The following SLC39A12 variants were observed in gnomAD, a reference collection of about 807,000 sequenced individuals.
SLC39A12 encodes the protein zinc transporter ZIP12.
In SLC39A12, 63 loss-of-function variants were observed where a neutral mutation model predicts 71.1. The ratio of observed to expected loss-of-function variants is 0.89; its 90% CI spans 0.72 to 1.09. The LOEUF (loss-of-function observed/expected upper bound fraction) is 1.09. Ranked by LOEUF, SLC39A12 falls within the 50% of genes least tolerant of loss-of-function variation. The probability of loss-of-function intolerance (pLI) is 0.00; values close to 1 mark genes in which losing one functional copy is unlikely to be tolerated. For synonymous variants in SLC39A12, 351 were observed against 301.3 expected, an observed-to-expected ratio of 1.16 and a Z score of -1.71; for missense variants, 892 against 812.6, an observed-to-expected ratio of 1.10 and a Z score of -1.19.
intron 10 of SLC39A12, 112 bp from the exon 11 acceptor site, chr10:18,000,555 G>C (rs1835803500): frequency 2.0e-6 from 2 of 977,312 alleles, no homozygotes; most frequent in Non-Finnish European, 3.1e-6. Context: ...TATTTAATCA[G>C]ATGGAATATA....
intron 12 of SLC39A12, among the ~76,000 whole-genome samples, chr10:18,028,685 G>C (rs1040416885): frequency 2.0e-5 from 3 of 152,074 alleles, no homozygotes; most frequent in Non-Finnish European, 2.9e-5. Flanking sequence ...TAGGAATGAG[G>C]TTATAGGGAT....
chr10:17,955,491 C>T (rs7085495), intron 2 of SLC39A12, among the ~76,000 whole-genome samples: 5,236 of 152,212 alleles, frequency 0.034, 274 homozygotes, highest in African/African-American at 0.12. Context: ...CACAAACACG[C>T]GGGTTCTGGC....
rs146496603 is a variant in SLC39A12, at chr10:17,982,803, G to A, written c.1096+1320G>A. On this transcript the variant is annotated intron_variant, in intron 6 of 12. Coordinates refer to ENST00000377369, the MANE Select transcript of SLC39A12 (RefSeq NM_001145195.2). ...AAAAGGGTTTTGAAATTAAGGCCTC[G>A]GAAAAAAATTGTGTCTCCTCTCGAA... is the stretch of plus-strand genomic sequence containing the variant. 5.5e-3 allele frequency among the ~76,000 whole-genome samples: 842 copies of A among 152,028 alleles called. 4 individuals are homozygous for A. The highest frequency in any genetic ancestry group is 9.0e-3 in the Non-Finnish European group (612 of 67,974).
rs562706666 is a variant in SLC39A12, at chr10:17,953,985, A to G, written c.261+448A>G. Among the ~76,000 whole-genome samples, 12 of 152,298 alleles carry G rather than the reference A, an allele frequency of 7.9e-5. No individual in the cohort carries two copies. In the South Asian group the frequency reaches 1.9e-3, roughly 24 times the overall value. ...GGCATGGTATTTTCTAATATTATGC[A>G]TGGCGGGTAGTTAATGATTGGATAA... is the stretch of plus-strand genomic sequence containing the variant. On this transcript the variant is annotated intron_variant, in intron 2 of 12. Coordinates refer to ENST00000377369, the MANE Select transcript of SLC39A12 (RefSeq NM_001145195.2).
intron 12 of SLC39A12, among the ~76,000 whole-genome samples, chr10:18,013,800 G>A (rs911912972): frequency 1.3e-5 from 2 of 152,086 alleles, no homozygotes; most frequent in Admixed American, 1.3e-4. Context: ...TTGTTTCTGG[G>A]TTCTCCATTC....
intron 10 of SLC39A12, among the ~76,000 whole-genome samples, chr10:17,999,467 T>C (rs936424124): frequency 1.3e-5 from 2 of 152,178 alleles, no homozygotes; most frequent in Non-Finnish European, 2.9e-5. Flanking sequence ...CTAGGCAGAT[T>C]ACTACCAAAA....
chr10:18,019,807 A>G (rs1035119809), intron 12 of SLC39A12, among the ~76,000 whole-genome samples: 9 of 152,074 alleles, frequency 5.9e-5, no homozygotes, highest in Non-Finnish European at 1.3e-4. Flanking sequence ...TGTTAAGGTC[A>G]GTCTTATAGC....
intron 12 of SLC39A12, among the ~76,000 whole-genome samples, chr10:18,015,523 G>A (rs1013595438): frequency 6.6e-6 from 1 of 151,986 alleles, no homozygotes; most frequent in Admixed American, 6.6e-5. Flanking sequence ...GAAAGTGCTT[G>A]GACTAAATCT....
chr10:18,036,782 A>ATTTTTTT (rs1564665979), intron 12 of SLC39A12, among the ~76,000 whole-genome samples: 4 of 7,272 alleles, frequency 5.5e-4, no homozygotes, highest in African/African-American at 2.5e-3. Context: ...ATATATATAT[A>ATTTTTTT]TATATATATA....
At chr10:18,037,296 T>A (rs905615997) in intron 12 of SLC39A12, among the ~76,000 whole-genome samples, 8 of 152,336 alleles carry the variant, frequency 5.3e-5, no homozygotes, top group African/African-American at 1.7e-4. Flanking sequence ...GCAGTGACAT[T>A]TTTATGCTTA....
intron 4 of SLC39A12, among the ~76,000 whole-genome samples, chr10:17,976,752 G>A (rs1237934766): frequency 1.3e-5 from 2 of 152,166 alleles, no homozygotes; most frequent in Non-Finnish European, 2.9e-5. Flanking sequence ...ACTTTCAGCA[G>A]TTTGACTGTA....
intron 7 of SLC39A12, among the ~76,000 whole-genome samples, chr10:17,990,171 C>A (rs1441013848): frequency 6.6e-6 from 1 of 151,992 alleles, no homozygotes; most frequent in Non-Finnish European, 1.5e-5. Flanking sequence ...CTATTTTGTG[C>A]AATAATGGTC....
chr10:17,975,753 G>A (rs910855276), intron 4 of SLC39A12, among the ~76,000 whole-genome samples: 2 of 152,160 alleles, frequency 1.3e-5, no homozygotes, highest in Non-Finnish European at 2.9e-5. Context: ...AAAAGTCGCC[G>A]TCCTTGTGGC....
chr10:18,028,218 G>A (rs981970077), intron 12 of SLC39A12, among the ~76,000 whole-genome samples: 1 of 152,148 alleles, frequency 6.6e-6, no homozygotes. Flanking sequence ...TACCTTCATA[G>A]GAGACGTCTC....
intron 7 of SLC39A12, 85 bp from the exon 8 acceptor site, chr10:17,991,066 C>A: frequency 7.9e-7 from 1 of 1,273,134 alleles, no homozygotes; most frequent in Non-Finnish European, 1.1e-6. Flanking sequence ...ATATATTCAA[C>A]ACTGGGCCTA....
chr10:17,977,129 C>T (rs911998525), intron 4 of SLC39A12, among the ~76,000 whole-genome samples: 3 of 151,998 alleles, frequency 2.0e-5, no homozygotes, highest in Admixed American at 1.3e-4. Context: ...TTCTTAAACT[C>T]CAGAATTTTC....
chr10:17,968,331 C>T (rs367798059), intron 4 of SLC39A12, among the ~76,000 whole-genome samples: 12 of 151,814 alleles, frequency 7.9e-5, no homozygotes, highest in East Asian at 5.8e-4. Context: ...AAGAGGAGCC[C>T]GTAGTATTTT....
Position 17,965,683 on chromosome 10 carries a change from C to T in SLC39A12, c.744C>T (p.Arg248=). 3.1e-6 allele frequency: 5 copies of T among 1,612,044 alleles called. No homozygotes were observed. Among genetic ancestry groups the T allele is most frequent in the Non-Finnish European group, 4.2e-6 (5 of 1,178,280 alleles). The change falls in exon 4 of 13, where the codon CGC becomes CGT. Residue 248 remains arginine, a synonymous_variant. Transcript: ENST00000377369. ...FSSLNRTNTL[R]LSELDQLLNT... is the part of the protein sequence containing the mutation. ...CCTTGAATCGTACGAATACCCTCCG[C>T]CTATCAGGTAAGGATGTTTTCACGA...
chr10:17,977,072 T>C (rs1239119939), intron 4 of SLC39A12, among the ~76,000 whole-genome samples: 2 of 152,178 alleles, frequency 1.3e-5, no homozygotes, highest in African/African-American at 4.8e-5. Flanking sequence ...TCAAATATGC[T>C]GTTGAGTTCC....
Sources: gnomAD v4.1 joint callset for allele counts (sites outside exome capture counted in the v4.1 genomes callset) on GRCh38, gnomAD v4.1.1 for gene constraint, MANE v1.5 for transcripts, NCBI Gene and HGNC (gene_info 2026-07-23, HGNC 2026-07-21) for gene names.